The following PTPN2 variants were observed in gnomAD, a reference collection of about 807,000 sequenced individuals.
PTPN2 encodes protein tyrosine phosphatase non-receptor type 2.
A neutral mutation model predicts 57.3 loss-of-function variants in PTPN2; 19 were observed. The observed-to-expected ratio is 0.33, with a 90% CI of 0.23 to 0.49. The LOEUF is 0.49. Among genes scored for constraint, PTPN2 ranks in the 20% least tolerant of loss-of-function variants. PTPN2 has a pLI of 0.99. For synonymous variants in PTPN2, 153 were observed against 164.9 expected, an observed-to-expected ratio of 0.93 and a Z score of 0.55; for missense variants, 358 against 501.1, an observed-to-expected ratio of 0.71 and a Z score of 2.73.
chr18:12,785,564 T>C (rs1018566475), exon 10 of PTPN2: 1 of 537,498 alleles, frequency 1.9e-6, no homozygotes, highest in Non-Finnish European at 3.3e-6. Context: ...TCTCCCCTAA[T>C]TTATTTCTTG....
At chr18:12,819,042 C>T (rs7245206) in intron 5 of PTPN2, 86,926 of 323,784 alleles carry the variant, frequency 0.27, 12,953 homozygotes, top group South Asian at 0.44. Context: ...TGTGGTGAGC[C>T]GAGATCGTGC....
At position 12,817,300 on chromosome 18, in the gene PTPN2, T is replaced by C. The variant is rs754937638; in HGVS notation, c.561A>G (p.Glu187=). ...AGAAATTGAGAAATGAAGCTGGTGA[T>C]TCAGGGACTCCAAAATCTGGCCAGG... ...YTTWPDFGVP[E]SPASFLNFLF... Residue 187 remains glutamate (E), a synonymous_variant, in exon 6 of 9, where the codon GAA becomes GAG. Coordinates refer to ENST00000309660, the MANE Select transcript of PTPN2 (RefSeq NM_002828.4). The C allele has an allele frequency of 2.5e-6, 4 of 1,614,008 alleles. No individual in the cohort carries two copies. Among genetic ancestry groups the C allele is most frequent in the Non-Finnish European group, 3.4e-6 (4 of 1,179,994 alleles).
chr18:12,819,820 TG>T lies in PTPN2; in HGVS notation c.496-2456del, dbSNP rs759044984. Among the ~76,000 whole-genome samples the T allele has an allele frequency of 9.6e-3, 882 of 92,006 alleles. 7 individuals are homozygous for T. The highest frequency in any genetic ancestry group is 0.012 in the Non-Finnish European group (570 of 45,812). 60.4% of individuals were successfully genotyped at this position (92,006 alleles called of 152,430 possible). A position where few individuals can be genotyped will look rare whatever the true frequency, so the allele number is the denominator to read the frequency against. ...GAGGTGGGTTCTTGACAGCGGGGGG[TG>T]GGGGGGATACAGTTAACTCAAAGTC... On this transcript the variant is annotated intron_variant, in intron 5 of 8. Transcript: ENST00000309660.
chr18:12,883,367 C>G (rs1156693502), intron 1 of PTPN2, among the ~76,000 whole-genome samples: 1 of 152,264 alleles, frequency 6.6e-6, no homozygotes, highest in Non-Finnish European at 1.5e-5. Context: ...CTGGGCGCTG[C>G]TGGGCCACGG....
At position 12,870,361 on chromosome 18, in the gene PTPN2, A is replaced by G. The variant is rs1292328417; in HGVS notation, c.70-11107T>C. ...TATATACATATATATGTGTATATAT[A>G]TGTGTATATATACATATATATACGT... On this transcript the variant is annotated intron_variant, in intron 1 of 8. Coordinates refer to ENST00000309660, the MANE Select transcript of PTPN2 (RefSeq NM_002828.4). Among the ~76,000 whole-genome samples, 13 of 40,542 alleles carry G rather than the reference A, an allele frequency of 3.2e-4. 1 individual carries two copies. In the South Asian group the frequency reaches 7.4e-3, roughly 23 times the overall value. The allele number at this position is 40,542 out of a possible 152,430, so 26.6% of individuals were successfully genotyped here. A position where few individuals can be genotyped will look rare whatever the true frequency, so the allele number is the denominator to read the frequency against.
downstream of PTPN2, among the ~76,000 whole-genome samples, chr18:12,790,841 A>G (rs967747315): frequency 6.6e-6 from 1 of 152,214 alleles, no homozygotes; most frequent in African/African-American, 2.4e-5. Context: ...AAAGAAAATG[A>G]TTAACACATT....
Position 12,859,219 on chromosome 18 carries a change from T to G in PTPN2, c.105A>C (p.Arg35Ser), listed in dbSNP as rs750374603. ...TTCTGTTTTCTGGAAACTTGGCCAC[T>G]CTATGAGGATAGTCATGGGACTCAT... ...IRNESHDYPH[R>S]VAKFPENRNR... The change falls in exon 2 of 9, where the codon AGA (arginine) becomes AGC (serine). Residue 35 changes from arginine to serine, a missense_variant. Physicochemically the swap from Arg to Ser is moderately radical, Grantham distance 110. Around this residue, in one of 4 missense-constraint regions of PTPN2, gnomAD observed 62 missense variants for 47.9 expected, o/e 1.29. Coordinates refer to ENST00000309660, the MANE Select transcript of PTPN2 (RefSeq NM_002828.4). The G allele has an allele frequency of 2.5e-6, 4 of 1,613,364 alleles. No individual in the cohort carries two copies. The highest frequency in any genetic ancestry group is 3.4e-6 in the Non-Finnish European group (4 of 1,179,358).
At chr18:12,819,814 G>A (rs540159392) in intron 5 of PTPN2, among the ~76,000 whole-genome samples, 9 of 151,628 alleles carry the variant, frequency 5.9e-5, no homozygotes, top group East Asian at 1.9e-4. Flanking sequence ...TCTTGACAGC[G>A]GGGGGTGGGG....
intron 8 of PTPN2, among the ~76,000 whole-genome samples, chr18:12,795,371 G>A (rs761756402): frequency 3.7e-4 from 56 of 152,292 alleles, no homozygotes; most frequent in Non-Finnish European, 4.9e-4. Context: ...TTGGCTCACT[G>A]CAACCCCCGC....
chr18:12,841,656 A>T (rs1410978441), intron 2 of PTPN2, among the ~76,000 whole-genome samples: 1 of 152,244 alleles, frequency 6.6e-6, no homozygotes, highest in Non-Finnish European at 1.5e-5. Context: ...CTTTCAACCC[A>T]TCATGATTTC....
intron 2 of PTPN2, among the ~76,000 whole-genome samples, chr18:12,838,334 T>C (rs1035181175): frequency 6.6e-6 from 1 of 152,214 alleles, no homozygotes; most frequent in Non-Finnish European, 1.5e-5. Flanking sequence ...GCTGGGAATC[T>C]GGTTACCCCA....
At chr18:12,814,685 AT>A (rs969129612) in intron 6 of PTPN2, among the ~76,000 whole-genome samples, 24 of 148,348 alleles carry the variant, frequency 1.6e-4, no homozygotes, top group South Asian at 2.1e-4. Flanking sequence ...TATAAGGACT[AT>A]TTTTTTTTTT....
intron 1 of PTPN2, among the ~76,000 whole-genome samples, chr18:12,868,194 A>G (rs910885076): frequency 6.6e-6 from 1 of 152,126 alleles, no homozygotes; most frequent in Non-Finnish European, 1.5e-5. Context: ...GGATTACAAG[A>G]CCTTAATAGT....
At chr18:12,807,586 A>AAAAAAAAAAAAAATATATAT in intron 7 of PTPN2, among the ~76,000 whole-genome samples, 1 of 35,200 alleles carries the variant, frequency 2.8e-5, no homozygotes, top group African/African-American at 7.0e-5. Context: ...AAAAAAAAAA[A>AAAAAAAAAAAAAATATATAT]ATATATATAT....
chr18:12,850,331 A>G (rs1446718969), intron 2 of PTPN2, among the ~76,000 whole-genome samples: 7 of 151,968 alleles, frequency 4.6e-5, no homozygotes, highest in Admixed American at 4.6e-4. Flanking sequence ...TCTACTAAAA[A>G]ACACAAAATT....
intron 1 of PTPN2, among the ~76,000 whole-genome samples, chr18:12,883,008 G>T (rs2044713385): frequency 6.6e-6 from 1 of 152,190 alleles, no homozygotes; most frequent in Non-Finnish European, 1.5e-5. Flanking sequence ...GAATTAAAAG[G>T]TAGTCTAGTT....
At chr18:12,878,878 A>G (rs1437114565) in intron 1 of PTPN2, among the ~76,000 whole-genome samples, 2 of 152,188 alleles carry the variant, frequency 1.3e-5, no homozygotes, top group African/African-American at 4.8e-5. Flanking sequence ...AAAAATAAAT[A>G]AGCCAAATTC....
Position 12,825,750 on chromosome 18 carries a change from A to T in PTPN2, c.495+60T>A. On this transcript the variant is annotated intron_variant, in intron 5 of 8. Transcript: ENST00000309660. Reference sequence around the variant, plus strand: ...CTTATCAAACTTCAAATCTAATAATAAAGAATAATTCTTTAAACCATCATA... The same window carrying T: ...CTTATCAAACTTCAAATCTAATAATTAAGAATAATTCTTTAAACCATCATA... 4 of 1,474,312 alleles carry T rather than the reference A, an allele frequency of 2.7e-6. No homozygotes were observed. The South Asian group carries it at 4.0e-5, about 15-fold the overall frequency. The allele number at this position is 1,474,312 out of a possible 1,614,324, so 91.3% of individuals were successfully genotyped here.
intron 2 of PTPN2, among the ~76,000 whole-genome samples, chr18:12,856,112 C>T (rs1285583250): frequency 1.3e-5 from 2 of 152,300 alleles, no homozygotes; most frequent in East Asian, 3.9e-4. Flanking sequence ...GGTCTAGGAA[C>T]TCTAGCGCAA....
Sources: gnomAD v4.1 joint callset for allele counts (sites outside exome capture counted in the v4.1 genomes callset) on GRCh38, gnomAD v4.1.1 for gene constraint, gnomAD v4.1.1 regional missense constraint, MANE v1.5 for transcripts, NCBI Gene and HGNC (gene_info 2026-07-23, HGNC 2026-07-21) for gene names.